Variants in SGCZ observed in about 807,000 individuals in gnomAD.
The protein encoded by SGCZ is sarcoglycan zeta, also known as zeta-sarcoglycan.
In SGCZ, 40 loss-of-function variants were observed where a neutral mutation model predicts 41.3. The observed-to-expected ratio is 0.97, with a 90% CI of 0.75 to 1.26. The LOEUF (loss-of-function observed/expected upper bound fraction) is 1.26, where lower values mean the gene tolerates loss of function less well. SGCZ is among the 50% of genes most tolerant of loss of function. The pLI is 0.00. For synonymous variants in SGCZ, 206 were observed against 137.5 expected, an observed-to-expected ratio of 1.50 and a Z score of -3.49; for missense variants, 552 against 369.8, an observed-to-expected ratio of 1.49 and a Z score of -4.04.
chr8:14,754,731 A>G (rs996452749), intron 1 of SGCZ, among the ~76,000 whole-genome samples: 10 of 152,152 alleles, frequency 6.6e-5, no homozygotes, highest in African/African-American at 2.4e-4. Context: ...GTTTTGACAC[A>G]TAGTCTTAAT....
intron 1 of SGCZ, among the ~76,000 whole-genome samples, chr8:14,725,942 T>A (rs1387678924): frequency 6.6e-6 from 1 of 152,194 alleles, no homozygotes; most frequent in African/African-American, 2.4e-5. Context: ...AATTTGCTTT[T>A]TTTTCACTTA....
chr8:15,225,060 T>C (rs1244459191), intron 1 of SGCZ, among the ~76,000 whole-genome samples: 11 of 152,146 alleles, frequency 7.2e-5, no homozygotes, highest in Non-Finnish European at 1.3e-4. Flanking sequence ...TTATGAACAA[T>C]TAAAACAGCA....
intron 4 of SGCZ, among the ~76,000 whole-genome samples, chr8:14,212,490 A>C (rs1212760573): frequency 2.5e-5 from 3 of 122,046 alleles, no homozygotes; most frequent in Admixed American, 1.7e-4. Context: ...AAAAAAAAAA[A>C]GTTGCCAGAG....
chr8:14,780,714 G>C (rs577741716), intron 1 of SGCZ, among the ~76,000 whole-genome samples: 2 of 152,130 alleles, frequency 1.3e-5, no homozygotes, highest in East Asian at 3.9e-4. Flanking sequence ...AGAACAACAG[G>C]ACTGATTTTG....
At chr8:14,380,321 T>C (rs1214526616) in intron 2 of SGCZ, among the ~76,000 whole-genome samples, 1 of 152,222 alleles carries the variant, frequency 6.6e-6, no homozygotes, top group Non-Finnish European at 1.5e-5. Context: ...CTTAAAGGCA[T>C]TCTTCAATCA....
chr8:14,246,930 A>T (rs1363204124), intron 3 of SGCZ, among the ~76,000 whole-genome samples: 2 of 147,602 alleles, frequency 1.4e-5, no homozygotes, highest in African/African-American at 2.5e-5. Flanking sequence ...AAAAAAAAAA[A>T]AGTAAAACTT....
intron 1 of SGCZ, among the ~76,000 whole-genome samples, chr8:14,652,249 G>C (rs535658951): frequency 4.4e-4 from 64 of 145,220 alleles, no homozygotes; most frequent in African/African-American, 1.6e-3. Flanking sequence ...GCTGAGGCAG[G>C]AGAATTGCTT....
At chr8:14,445,652 G>A (rs1037937427) in intron 2 of SGCZ, among the ~76,000 whole-genome samples, 2 of 152,066 alleles carry the variant, frequency 1.3e-5, no homozygotes, top group Non-Finnish European at 2.9e-5. Flanking sequence ...CTTGGACATC[G>A]AACAAGAGCT....
chr8:14,823,055 TAA>T (rs34307530), intron 1 of SGCZ, among the ~76,000 whole-genome samples: 7,559 of 75,378 alleles, frequency 0.1, 246 homozygotes, highest in African/African-American at 0.2. Flanking sequence ...CCAATCCTCA[TAA>T]AAAAAAAAAA....
intron 2 of SGCZ, among the ~76,000 whole-genome samples, chr8:14,418,035 T>G (rs1304201216): frequency 7.2e-5 from 11 of 151,968 alleles, no homozygotes. Flanking sequence ...TACCAGTTGT[T>G]TCATAGGCTA....
intron 2 of SGCZ, among the ~76,000 whole-genome samples, chr8:14,374,114 A>T (rs754254220): frequency 6.6e-6 from 1 of 152,248 alleles, no homozygotes; most frequent in Non-Finnish European, 1.5e-5. Context: ...GCAATGGCTC[A>T]CACCTATAAT....
intron 2 of SGCZ, among the ~76,000 whole-genome samples, chr8:14,368,107 T>A (rs1255134374): frequency 6.6e-6 from 1 of 152,214 alleles, no homozygotes; most frequent in African/African-American, 2.4e-5. Context: ...ACATTTTTTT[T>A]AAATGTGTAC....
At position 14,347,631 on chromosome 8, in the gene SGCZ, AAT is replaced by A. The variant is rs1437406103; in HGVS notation, c.235-23429_235-23428del. Among the ~76,000 whole-genome samples the A allele has an allele frequency of 3.3e-5, 5 of 150,430 alleles. No homozygotes were observed. In the East Asian group the frequency reaches 7.8e-4, roughly 24 times the overall value. The stretch of plus-strand genomic sequence containing the variant: ...AATAAAAATTATAATTATAAAAAAA[AAT>A]ACATATACACATAGGTAAATCTCAA... On this transcript the variant is annotated intron_variant, in intron 2 of 7. Transcript: ENST00000382080.
chr8:14,816,126 T>C (rs1185910754), intron 1 of SGCZ, among the ~76,000 whole-genome samples: 1 of 152,214 alleles, frequency 6.6e-6, no homozygotes, highest in Non-Finnish European at 1.5e-5. Context: ...TATTGACATG[T>C]TTACATTTTG....
intron 2 of SGCZ, among the ~76,000 whole-genome samples, chr8:14,421,010 GA>G (rs1799622821): frequency 6.6e-6 from 1 of 152,032 alleles, no homozygotes; most frequent in African/African-American, 2.4e-5. Flanking sequence ...GTACTTTAAG[GA>G]CTTTGAAATA....
chr8:14,336,710 C>T (rs1802518614), intron 2 of SGCZ, among the ~76,000 whole-genome samples: 1 of 152,092 alleles, frequency 6.6e-6, no homozygotes, highest in Admixed American at 6.6e-5. Context: ...GAATTTGAGA[C>T]AAAGGGATTC....
At chr8:14,599,017 C>A (rs566641434) in intron 1 of SGCZ, among the ~76,000 whole-genome samples, 1 of 152,102 alleles carries the variant, frequency 6.6e-6, no homozygotes, top group Non-Finnish European at 1.5e-5. Flanking sequence ...AATACCCGGA[C>A]ATCTCAGATT....
chr8:14,304,978 G>A (rs1335032348), intron 3 of SGCZ, among the ~76,000 whole-genome samples: 3 of 152,070 alleles, frequency 2.0e-5, no homozygotes, highest in Non-Finnish European at 2.9e-5. Flanking sequence ...GGGAAGATAA[G>A]ACTATGATGA....
chr8:14,103,089 C>T (rs1802084612), intron 6 of SGCZ, among the ~76,000 whole-genome samples: 1 of 151,860 alleles, frequency 6.6e-6, no homozygotes, highest in Non-Finnish European at 1.5e-5. Context: ...TTCTGTTGGC[C>T]CCGTGAAATG....
Sources: gnomAD v4.1 joint callset for allele counts (sites outside exome capture counted in the v4.1 genomes callset) on GRCh38, gnomAD v4.1.1 for gene constraint, MANE v1.5 for transcripts, NCBI Gene and HGNC (gene_info 2026-07-23, HGNC 2026-07-21) for gene names.